Variants in EPB41L2 observed in about 807,000 individuals in gnomAD.
The protein encoded by EPB41L2 is band 4.1-like protein 2.
Under a neutral mutation model 113.0 loss-of-function variants are expected in EPB41L2, and 43 were observed. The observed-to-expected ratio is 0.38, with a 90% CI of 0.30 to 0.49. EPB41L2 has a LOEUF of 0.49. EPB41L2 is among the 20% of genes least tolerant of loss of function. EPB41L2 has a pLI of 0.95. For missense variants in EPB41L2, 1,147 were observed against 1,223.4 expected (o/e 0.94, Z 0.93); for synonymous variants, 442 against 436.7 (o/e 1.01, Z -0.15).
intron 19 of EPB41L2, among the ~76,000 whole-genome samples, chr6:130,848,726 T>C (rs1412888137): frequency 2.0e-5 from 3 of 152,150 alleles, no homozygotes; most frequent in Non-Finnish European, 4.4e-5. Context: ...GGAGTATCTT[T>C]ACAAAAACAC....
chr6:131,029,493 T>C (rs1237213387), intron 1 of EPB41L2, among the ~76,000 whole-genome samples: 1 of 151,428 alleles, frequency 6.6e-6, no homozygotes, highest in African/African-American at 2.4e-5. Flanking sequence ...TCAGAAGCTA[T>C]ACTTACATTC....
intron 14 of EPB41L2, chr6:130,872,663 AGAT>A: frequency 1.6e-6 from 1 of 628,886 alleles, no homozygotes; most frequent in East Asian, 7.7e-5. Context: ...ATGAAAGAAA[AGAT>A]GAGAATTCTG....
At chr6:131,011,498 A>C (rs61625259) in intron 1 of EPB41L2, among the ~76,000 whole-genome samples, 2 of 152,162 alleles carry the variant, frequency 1.3e-5, no homozygotes, top group Non-Finnish European at 2.9e-5. Context: ...CCATGTAACC[A>C]TTGTATTTCG....
chr6:131,005,764 AC>A (rs1785360345), intron 1 of EPB41L2, among the ~76,000 whole-genome samples: 1 of 152,136 alleles, frequency 6.6e-6, no homozygotes, highest in Non-Finnish European at 1.5e-5. Context: ...TCCAACTGTG[AC>A]CCAGAGGGAA....
chr6:130,908,217 T>C (rs192993033), intron 5 of EPB41L2, among the ~76,000 whole-genome samples: 1 of 152,274 alleles, frequency 6.6e-6, no homozygotes, highest in Admixed American at 6.5e-5. Context: ...CATTTTGGGA[T>C]TGTACAAGAA....
At chr6:130,842,912 A>C (rs2128393915) in intron 19 of EPB41L2, among the ~76,000 whole-genome samples, 1 of 152,286 alleles carries the variant, frequency 6.6e-6, no homozygotes, top group Middle Eastern at 3.4e-3. Context: ...GATAACCTTC[A>C]TGTGCTCTTA....
At chr6:130,899,350 C>T in intron 8 of EPB41L2, 141 bp downstream of exon 8, 2 of 650,964 alleles carry the variant, frequency 3.1e-6, no homozygotes. Context: ...AATTAGTCAC[C>T]AAGGAAATAT....
chr6:131,034,519 G>A (rs1002092475), intron 1 of EPB41L2, among the ~76,000 whole-genome samples: 1 of 152,142 alleles, frequency 6.6e-6, no homozygotes, highest in African/African-American at 2.4e-5. Flanking sequence ...GCAACAAATT[G>A]AGACCCTGTG....
At chr6:130,926,948 A>G (rs1247406665) in intron 3 of EPB41L2, among the ~76,000 whole-genome samples, 1 of 152,250 alleles carries the variant, frequency 6.6e-6, no homozygotes, top group Non-Finnish European at 1.5e-5. Context: ...CTTTACTGCT[A>G]CTCAATATAG....
intron 1 of EPB41L2, among the ~76,000 whole-genome samples, chr6:131,014,596 G>A (rs1028689489): frequency 3.7e-4 from 56 of 152,122 alleles, no homozygotes; most frequent in African/African-American, 1.2e-3. Flanking sequence ...TCCAAGGGAC[G>A]TTTTCTGTCT....
chr6:131,052,878 A>G (rs1796836652), intron 1 of EPB41L2, among the ~76,000 whole-genome samples: 3 of 152,260 alleles, frequency 2.0e-5, no homozygotes, highest in Non-Finnish European at 4.4e-5. Context: ...ATCAATTTGA[A>G]CAACTATCTA....
chr6:131,001,459 A>C (rs751853362), intron 1 of EPB41L2, among the ~76,000 whole-genome samples: 1 of 152,202 alleles, frequency 6.6e-6, no homozygotes, highest in African/African-American at 2.4e-5. Flanking sequence ...CATTATAAGA[A>C]GCGCAGAGTG....
chr6:131,013,705 A>G (rs1787559271), intron 1 of EPB41L2: 1 of 152,170 alleles, frequency 6.6e-6, no homozygotes, highest in African/African-American at 2.4e-5. Context: ...AAATGTAGTC[A>G]ATTTCTAGGC....
At chr6:130,964,882 G>T (rs1774628311) in intron 1 of EPB41L2, among the ~76,000 whole-genome samples, 1 of 152,166 alleles carries the variant, frequency 6.6e-6, no homozygotes, top group South Asian at 2.1e-4. Context: ...AAAGAGAAGT[G>T]CCAGAATTCA....
chr6:130,905,618 C>A (rs936542687), intron 5 of EPB41L2, among the ~76,000 whole-genome samples: 3 of 151,996 alleles, frequency 2.0e-5, no homozygotes. Context: ...ACGGGGTCTC[C>A]CTATGTTGCC....
intron 1 of EPB41L2, among the ~76,000 whole-genome samples, chr6:131,037,780 G>T (rs1167614807): frequency 1.3e-5 from 2 of 151,714 alleles, no homozygotes; most frequent in South Asian, 4.2e-4. Context: ...GTAGTGACAG[G>T]GTTTCACCAT....
At chr6:130,988,477 G>A (rs1020879865) in intron 1 of EPB41L2, among the ~76,000 whole-genome samples, 28 of 152,114 alleles carry the variant, frequency 1.8e-4, no homozygotes, top group Non-Finnish European at 4.0e-4. Flanking sequence ...CCAAACAAGT[G>A]ACTATTCCTG....
chr6:130,870,972 T>C lies in EPB41L2; in HGVS notation c.2044-846A>G, dbSNP rs187581111. ...TATTATACAATAGGGTGGGTGTCAA[T>C]GGTGACTCCAAGTGTTTCCTTTTAC... On this transcript the variant is annotated intron_variant, in intron 14 of 19. Transcript: ENST00000337057. Among the ~76,000 whole-genome samples, 248 of 152,260 alleles carry C rather than the reference T, an allele frequency of 1.6e-3. 1 individual carries two copies. The highest frequency in any genetic ancestry group is 5.6e-3 in the African/African-American group (234 of 41,564).
At chr6:131,045,423 AAGAG>A (rs1053670214) in intron 1 of EPB41L2, among the ~76,000 whole-genome samples, 1 of 152,138 alleles carries the variant, frequency 6.6e-6, no homozygotes, top group Admixed American at 6.5e-5. Flanking sequence ...TGCAGAACTC[AAGAG>A]AAAGACTTAG....
Sources: allele counts gnomAD v4.1 joint callset (sites outside exome capture counted in the v4.1 genomes callset), GRCh38; gene constraint gnomAD v4.1.1; transcripts MANE v1.5; gene names NCBI Gene and HGNC (gene_info 2026-07-23, HGNC 2026-07-21).